The following ALPK1 variants were observed in gnomAD, a reference collection of about 807,000 sequenced individuals.
ALPK1 encodes the protein alpha kinase 1, also known as alpha-protein kinase 1.
ALPK1 carries 110 observed loss-of-function variants against 120.6 expected under a neutral mutation model. That is an observed-to-expected ratio of 0.91 (90% CI 0.78 to 1.07). ALPK1 has a LOEUF of 1.07. ALPK1 is among the 50% of genes least tolerant of loss of function. The pLI, the probability that ALPK1 is intolerant of heterozygous loss-of-function variation, is 0.00. For missense variants in ALPK1, 1,498 were observed against 1,483.9 expected (o/e 1.01, Z -0.16); for synonymous variants, 582 against 560.3 (o/e 1.04, Z -0.55).
intron 4 of ALPK1, among the ~76,000 whole-genome samples, chr4:112,404,487 C>T (rs1246635828): frequency 1.3e-5 from 2 of 152,164 alleles, no homozygotes; most frequent in African/African-American, 4.8e-5. Context: ...AGTAACTTGC[C>T]GTGGCAAATA....
intron 10 of ALPK1, 32 bp downstream of exon 10, chr4:112,429,285 AC>A: frequency 6.5e-7 from 1 of 1,541,234 alleles, no homozygotes; most frequent in Non-Finnish European, 8.9e-7. Flanking sequence ...TCAAACCCCC[AC>A]AGGACCTCTC....
chr4:112,384,996 A>G (rs540372314), intron 4 of ALPK1: 1 of 152,258 alleles, frequency 6.6e-6, no homozygotes, highest in South Asian at 2.1e-4. Flanking sequence ...GCGAGAGCAA[A>G]ACGGCCTCAC....
At position 112,319,107 on chromosome 4, in the gene ALPK1, C is replaced by A. The variant is rs928361174; in HGVS notation, c.-101+3255C>A. ...TAAAGAATGGGAACTGGGAAAGAGA[C>A]AAGTGGCAGGAAGACCAGCCTGGAG... On this transcript the variant is annotated intron_variant, in intron 2 of 15. Coordinates refer to ENST00000650871, the MANE Select transcript of ALPK1 (RefSeq NM_025144.4). Among the ~76,000 whole-genome samples, 4 of 152,170 alleles carry A rather than the reference C, an allele frequency of 2.6e-5. No individual in the cohort carries two copies. The South Asian group carries it at 8.3e-4, about 31-fold the overall frequency.
In ALPK1 at chr4:112,441,493, C is replaced by A; in HGVS notation, c.*283C>A. 4.6e-6 allele frequency: 2 copies of A among 437,634 alleles called. No individual in the cohort carries two copies. The highest frequency in any genetic ancestry group is 4.1e-6 in the Non-Finnish European group (1 of 244,870). The allele number at this position is 437,634 out of a possible 1,614,324, so 27.1% of individuals were successfully genotyped here. On this transcript the variant is annotated 3_prime_UTR_variant, in exon 16 of 16. Transcript: ENST00000650871. The stretch of plus-strand genomic sequence containing the variant: ...TGAGAAAGGCATGTGTTGTTTAAGC[C>A]ATTGAGATTTTAGAGCTTTTTGTCA...
chr4:112,351,192 G>A (rs1371998135), intron 2 of ALPK1, among the ~76,000 whole-genome samples: 1 of 152,032 alleles, frequency 6.6e-6, no homozygotes, highest in African/African-American at 2.4e-5. Flanking sequence ...TCTTCAGGCC[G>A]GGAGGTAACC....
intron 5 of ALPK1, 130 bp downstream of exon 5, chr4:112,412,155 C>T: frequency 9.2e-7 from 1 of 1,085,832 alleles, no homozygotes; most frequent in Non-Finnish European, 1.3e-6. Context: ...GAGCCCGGGG[C>T]TCCCCTCCCC....
chr4:112,374,909 T>C (rs1288948421), intron 2 of ALPK1, among the ~76,000 whole-genome samples: 2 of 152,194 alleles, frequency 1.3e-5, no homozygotes, highest in African/African-American at 4.8e-5. Context: ...TTGTGCCACT[T>C]ATAGAGCACA....
chr4:112,441,466 C>G lies in ALPK1; in HGVS notation c.*256C>G, dbSNP rs231253. 359,404 of 540,514 alleles carry G rather than the reference C, an allele frequency of 0.66. 120,186 individuals are homozygous for G. The highest frequency in any genetic ancestry group is 0.74 in the African/African-American group (38,834 of 52,830). The allele number at this position is 540,514 out of a possible 1,614,324, so 33.5% of individuals were successfully genotyped here. ...TCACCCATGAGGGATGAAAAGCACT[C>G]TTGAGAAAGGCATGTGTTGTTTAAG... On this transcript the variant is annotated 3_prime_UTR_variant, in exon 16 of 16. Transcript: ENST00000650871.
chr4:112,321,729 A>C (rs1284815826), intron 2 of ALPK1, among the ~76,000 whole-genome samples: 1 of 152,254 alleles, frequency 6.6e-6, no homozygotes, highest in Middle Eastern at 3.2e-3. Context: ...TTCATAAGAC[A>C]AAATTCAAAA....
intron 7 of ALPK1, chr4:112,426,052 G>T: frequency 3.8e-6 from 1 of 265,684 alleles, no homozygotes; most frequent in South Asian, 6.2e-5. Flanking sequence ...CATGTGATAT[G>T]GTGACACCTT....
chr4:112,425,925 A>G (rs796918040), intron 7 of ALPK1, 174 bp downstream of exon 7: 2 of 495,024 alleles, frequency 4.0e-6, no homozygotes, highest in Admixed American at 3.5e-5. Context: ...ACAAATATTA[A>G]TAAAATGTGT....
At chr4:112,403,327 G>C (rs796844111) in intron 4 of ALPK1, among the ~76,000 whole-genome samples, 2 of 152,214 alleles carry the variant, frequency 1.3e-5, no homozygotes, top group African/African-American at 4.8e-5. Flanking sequence ...ATTTCTCAGA[G>C]TGCTGGTAGA....
intron 1 of ALPK1, among the ~76,000 whole-genome samples, chr4:112,313,072 C>G (rs1302847845): frequency 6.6e-6 from 1 of 152,190 alleles, no homozygotes; most frequent in Non-Finnish European, 1.5e-5. Context: ...TCAATGTGAA[C>G]TCAAGTGCAG....
At chr4:112,363,540 C>T (rs1321451726) in intron 2 of ALPK1, among the ~76,000 whole-genome samples, 1 of 151,986 alleles carries the variant, frequency 6.6e-6, no homozygotes, top group African/African-American at 2.4e-5. Flanking sequence ...AACACTGGAG[C>T]TCCCAAATTT....
chr4:112,359,838 A>T, intron 2 of ALPK1: 2 of 361,246 alleles, frequency 5.5e-6, no homozygotes, highest in South Asian at 4.7e-5. Context: ...GGAGGCCCTC[A>T]GCATGCCCAG....
intron 4 of ALPK1, among the ~76,000 whole-genome samples, chr4:112,392,146 T>C (rs1158960183): frequency 2.6e-5 from 4 of 152,190 alleles, no homozygotes; most frequent in Non-Finnish European, 5.9e-5. Flanking sequence ...AATAGTACAG[T>C]CAAGAGCCCA....
chr4:112,422,805 C>T (rs1734058212), intron 5 of ALPK1, among the ~76,000 whole-genome samples: 1 of 152,196 alleles, frequency 6.6e-6, no homozygotes, highest in Admixed American at 6.5e-5. Flanking sequence ...CAAGCAGAGG[C>T]CTTGGGGGAG....
rs188894859 is a variant in ALPK1 at position 112,424,697 on chromosome 4, A to G, written c.535+694A>G. 1.6e-3 allele frequency among the ~76,000 whole-genome samples: 238 copies of G among 152,240 alleles called. 1 individual carries two copies. The highest frequency in any genetic ancestry group is 5.3e-3 in the African/African-American group (222 of 41,548). On this transcript the variant is annotated intron_variant, in intron 6 of 15. Transcript: ENST00000650871. ...TAGTGGGGAGACAGTTTGGAATCCA[A>G]ATATTAACCACACACCCCTCACTTG...
intron 13 of ALPK1, among the ~76,000 whole-genome samples, chr4:112,438,882 G>T (rs1734904483): frequency 6.6e-6 from 1 of 152,132 alleles, no homozygotes; most frequent in Admixed American, 6.6e-5. Flanking sequence ...TTGCAACCAA[G>T]TGATTGCTAA....
Sources: allele counts gnomAD v4.1 joint callset (sites outside exome capture counted in the v4.1 genomes callset), GRCh38; gene constraint gnomAD v4.1.1; transcripts MANE v1.5; gene names NCBI Gene and HGNC (gene_info 2026-07-23, HGNC 2026-07-21).